Variants in EML5 observed in about 807,000 individuals in gnomAD.
The protein encoded by EML5 is echinoderm microtubule-associated protein-like 5.
A neutral mutation model predicts 250.0 loss-of-function variants in EML5; 120 were observed. The observed-to-expected ratio is 0.48, with a 90% CI of 0.41 to 0.56. EML5 has a LOEUF of 0.56. EML5 is among the 20% of genes least tolerant of loss of function. EML5 has a pLI of 0.00. For missense variants in EML5, 2,006 were observed against 2,437.6 expected (o/e 0.82, Z 3.73); for synonymous variants, 771 against 806.5 (o/e 0.96, Z 0.75).
At chr14:88,782,590 T>C (rs1202047831) in intron 1 of EML5, among the ~76,000 whole-genome samples, 1 of 152,140 alleles carries the variant, frequency 6.6e-6, no homozygotes, top group East Asian at 1.9e-4. Context: ...CTCTGCTACA[T>C]ACAGCCTAGA....
chr14:88,658,056 G>A, intron 26 of EML5, 131 bp downstream of exon 26: 1 of 883,450 alleles, frequency 1.1e-6, no homozygotes, highest in Non-Finnish European at 1.7e-6. Context: ...GGATTTTGAT[G>A]TTAAACAGAC....
chr14:88,763,743 T>C (rs1209452199), intron 1 of EML5, among the ~76,000 whole-genome samples: 1 of 152,208 alleles, frequency 6.6e-6, no homozygotes, highest in Non-Finnish European at 1.5e-5. Context: ...TGAACATCGA[T>C]GCAAAAATAC....
chr14:88,736,686 C>A, intron 6 of EML5, 121 bp from the exon 7 acceptor site: 1 of 894,162 alleles, frequency 1.1e-6, no homozygotes, highest in Non-Finnish European at 1.7e-6. Flanking sequence ...AAACCTAAGA[C>A]AGTTTAAAGC....
At chr14:88,661,621 T>C in intron 25 of EML5, 33 bp downstream of exon 25, 1 of 1,575,734 alleles carries the variant, frequency 6.3e-7, no homozygotes, top group Non-Finnish European at 8.7e-7. Flanking sequence ...TCATAATTGA[T>C]GATCATTAGG....
chr14:88,730,207 A>G (rs2093733758), intron 7 of EML5, among the ~76,000 whole-genome samples: 1 of 152,220 alleles, frequency 6.6e-6, no homozygotes, highest in Non-Finnish European at 1.5e-5. Context: ...TTATGCAATG[A>G]CACTGTAGCT....
intron 1 of EML5, among the ~76,000 whole-genome samples, chr14:88,772,903 T>G (rs2094408916): frequency 6.6e-6 from 1 of 152,208 alleles, no homozygotes; most frequent in African/African-American, 2.4e-5. Flanking sequence ...TGGAATGACC[T>G]CCCAAATCTT....
chr14:88,682,407 T>C (rs1376831253), intron 20 of EML5, among the ~76,000 whole-genome samples: 1 of 142,044 alleles, frequency 7.0e-6, no homozygotes, highest in Non-Finnish European at 1.5e-5. Context: ...TAAAAATCAA[T>C]TAAAAAAAAA....
In EML5 at chr14:88,620,853, G is replaced by C. The variant is rs1409398481; in HGVS notation, c.5276C>G (p.Ala1759Gly). The C allele has an allele frequency of 6.3e-7, 1 of 1,586,246 alleles. No individual in the cohort carries two copies. The change falls in exon 39 of 44, where the codon GCT becomes GGT. Residue 1759 changes from alanine to glycine, a missense_variant. Physicochemically the swap from Ala to Gly is moderately conservative, Grantham distance 60. Coordinates refer to ENST00000554922, the MANE Select transcript of EML5 (RefSeq NM_183387.3). The surrounding 1 kb of genome is among the most constrained non-coding windows in gnomAD (Gnocchi z 4.3). ...AAATTCTCCATTTTTCATTCCAATA[G>C]CCACCATGTCCCCTTCAGGGCTGTA... ...VCYSPEGDMV[A>G]IGMKNGEFII...
At chr14:88,657,601 T>A in intron 26 of EML5, 99 bp from the exon 27 acceptor site, 1 of 1,141,662 alleles carries the variant, frequency 8.8e-7, no homozygotes, top group Non-Finnish European at 1.2e-6. Context: ...TGAAATAAAT[T>A]AAGTTGTTAT....
intron 1 of EML5, among the ~76,000 whole-genome samples, chr14:88,759,897 G>T (rs1434543004): frequency 6.6e-6 from 1 of 152,044 alleles, no homozygotes; most frequent in East Asian, 1.9e-4. Flanking sequence ...AGTTCCAGTT[G>T]CTCCACATTC....
intron 18 of EML5, among the ~76,000 whole-genome samples, chr14:88,687,722 A>G (rs2092865170): frequency 6.6e-6 from 1 of 152,032 alleles, no homozygotes; most frequent in Non-Finnish European, 1.5e-5. Flanking sequence ...TTTTTGACAC[A>G]TAGTATGAGC....
At position 88,620,992 on chromosome 14, in the gene EML5, C is replaced by T; in HGVS notation, c.5203-66G>A. The T allele has an allele frequency of 6.8e-7, 1 of 1,466,002 alleles. No homozygotes were observed. The highest frequency in any genetic ancestry group is 2.5e-5 in the East Asian group (1 of 40,216). 90.8% of individuals were successfully genotyped at this position (1,466,002 alleles called of 1,614,324 possible). A position where few individuals can be genotyped will look rare whatever the true frequency, so the allele number is the denominator to read the frequency against. On this transcript the variant is annotated intron_variant, in intron 38 of 43. Transcript: ENST00000554922. This position sits in a 1 kb window ranked among gnomAD's most constrained non-coding sequence, Gnocchi z 4.3. ...TTAAGTGAAGTACTTCTAAATTATA[C>T]CAGTTTCCCCTCAAAATGCTCAACA...
At chr14:88,767,258 G>A (rs753069399) in intron 1 of EML5, among the ~76,000 whole-genome samples, 2 of 152,176 alleles carry the variant, frequency 1.3e-5, no homozygotes, top group Non-Finnish European at 2.9e-5. Context: ...ACACACCAAA[G>A]GGGCAAATCT....
chr14:88,689,160 T>C (rs2092903923), intron 17 of EML5, among the ~76,000 whole-genome samples: 1 of 152,222 alleles, frequency 6.6e-6, no homozygotes, highest in African/African-American at 2.4e-5. Context: ...AAGTTTTTGC[T>C]ATTAAAAGCA....
chr14:88,740,498 T>C lies in EML5; in HGVS notation c.600A>G (p.Ile200Met). ...VFGKTGDLQT[I>M]LCLACARDEL... ...CATCCCTTGCACAGGCTAGGCACAG[T>C]ATTGTCTGAAGGTCACCCGTCTTAC... The change falls in exon 5 of 44, where the codon ATA becomes ATG. Residue 200 changes from isoleucine (I) to methionine (M), a missense_variant. Physicochemically the swap from Ile to Met is conservative, Grantham distance 10. This residue lies in a region of EML5 where 1,375 missense variants were observed against 1,590.3 expected (regional missense o/e 0.86). Transcript: ENST00000554922. 6.2e-7 allele frequency: 1 copy of C among 1,613,820 alleles called. No individual in the cohort carries two copies. Among genetic ancestry groups the C allele is most frequent in the Non-Finnish European group, 8.5e-7 (1 of 1,179,790 alleles).
intron 2 of EML5, among the ~76,000 whole-genome samples, chr14:88,747,213 A>G (rs28439948): frequency 0.085 from 12,951 of 152,106 alleles, 678 homozygotes; most frequent in Non-Finnish European, 0.12. Context: ...GGAGATTGAG[A>G]CCAGCCTGGG....
chr14:88,712,561 G>T, intron 9 of EML5, 78 bp from the exon 10 acceptor site: 1 of 1,169,890 alleles, frequency 8.5e-7, no homozygotes, highest in Non-Finnish European at 1.2e-6. Context: ...TGAGAACATA[G>T]TAAATTCCAA....
chr14:88,792,070 G>C lies in EML5; in HGVS notation c.197+237C>G, dbSNP rs1446179918. 6.6e-6 allele frequency among the ~76,000 whole-genome samples: 1 copy of C among 152,230 alleles called. No homozygotes were observed. Among genetic ancestry groups the C allele is most frequent in the East Asian group, 1.9e-4 (1 of 5,196 alleles). On this transcript the variant is annotated intron_variant, in intron 1 of 43. Transcript: ENST00000554922. This position sits in a 1 kb window ranked among gnomAD's most constrained non-coding sequence, Gnocchi z 6.9. ...GACAAAGCCGTCAAACCGGGTGCCC[G>C]GTGGATCCGCGGACCTGATCTTCCT...
chr14:88,624,341 A>G (rs1344339243), intron 36 of EML5: 1 of 152,482 alleles, frequency 6.6e-6, no homozygotes, highest in African/African-American at 2.4e-5. Context: ...TCCCAAAGTG[A>G]TAAGATTACA....
Sources: allele counts gnomAD v4.1 joint callset (sites outside exome capture counted in the v4.1 genomes callset), GRCh38; gene constraint gnomAD v4.1.1; regional missense constraint gnomAD v4.1.1; non-coding constraint Gnocchi (gnomAD v3.1); transcripts MANE v1.5; gene names NCBI Gene and HGNC (gene_info 2026-07-23, HGNC 2026-07-21).